Variants in ELAVL2 observed in about 807,000 individuals in gnomAD.
ELAVL2 encodes the protein ELAV like RNA binding protein 2.
Under a neutral mutation model 34.6 loss-of-function variants are expected in ELAVL2, and 4 were observed. The observed-to-expected ratio is 0.12, with a 90% CI of 0.06 to 0.26. The LOEUF (loss-of-function observed/expected upper bound fraction) is 0.26, where lower values mean the gene tolerates loss of function less well. Among genes scored for constraint, ELAVL2 ranks in the 10% least tolerant of loss-of-function variants. The pLI is 1.00. For missense variants in ELAVL2, 432 were observed against 442.8 expected (o/e 0.98, Z 0.22); for synonymous variants, 193 against 154.8 (o/e 1.25, Z -1.83).
In ELAVL2 at chr9:23,799,170, T is replaced by G. The variant is rs143002656; in HGVS notation, c.-16+26636A>C. ...TCACAGAAGCTTTTTAAAATTTTTT[T>G]CCATCTCTATCTCCAAACTACCTAC... On this transcript the variant is annotated intron_variant, in intron 1 of 6. Transcript: ENST00000397312. Among the ~76,000 whole-genome samples, 362 of 152,282 alleles carry G rather than the reference T, an allele frequency of 2.4e-3. 3 individuals are homozygous for G. The highest frequency in any genetic ancestry group is 8.4e-3 in the African/African-American group (347 of 41,556).
chr9:23,733,768 T>C (rs2047172997), intron 2 of ELAVL2, among the ~76,000 whole-genome samples: 1 of 152,106 alleles, frequency 6.6e-6, no homozygotes, highest in Non-Finnish European at 1.5e-5. Flanking sequence ...CATGGAAACA[T>C]TTGCTAAATG....
intron 1 of ELAVL2, among the ~76,000 whole-genome samples, chr9:23,780,982 A>C (rs1319431754): frequency 6.6e-6 from 1 of 152,210 alleles, no homozygotes; most frequent in Non-Finnish European, 1.5e-5. Flanking sequence ...GAACGAAGGT[A>C]AAAGCCTACA....
chr9:23,730,937 A>G lies in ELAVL2; in HGVS notation c.333+85T>C, dbSNP rs2046372643. ...AGGTAACTGTTTATATGGGCCCAAA[A>G]GGAAGAAAGGAAAGAACTACAAATA... On this transcript the variant is annotated intron_variant, in intron 3 of 6. Coordinates refer to ENST00000397312, the MANE Select transcript of ELAVL2 (RefSeq NM_004432.5). 2.3e-6 allele frequency: 3 copies of G among 1,296,738 alleles called. No homozygotes were observed. In the East Asian group the frequency reaches 7.6e-5, roughly 33 times the overall value. The allele number at this position is 1,296,738 out of a possible 1,614,324, so 80.3% of individuals were successfully genotyped here.
intron 1 of ELAVL2, among the ~76,000 whole-genome samples, chr9:23,804,345 T>C (rs1453016950): frequency 6.6e-6 from 1 of 152,108 alleles, no homozygotes; most frequent in Non-Finnish European, 1.5e-5. Context: ...ATGAACACTT[T>C]GAACACTTTC....
At chr9:23,725,812 T>C (rs1235414370) in intron 3 of ELAVL2, among the ~76,000 whole-genome samples, 1 of 152,164 alleles carries the variant, frequency 6.6e-6, no homozygotes, top group East Asian at 1.9e-4. Context: ...AAACATGAAT[T>C]TGTTTAAAAA....
intron 5 of ELAVL2, among the ~76,000 whole-genome samples, chr9:23,695,770 G>A (rs1347243687): frequency 6.6e-6 from 1 of 152,100 alleles, no homozygotes; most frequent in African/African-American, 2.4e-5. Context: ...CACAATATTA[G>A]GATGACTATG....
intron 1 of ELAVL2, among the ~76,000 whole-genome samples, chr9:23,791,427 G>A (rs979078787): frequency 6.6e-6 from 1 of 152,168 alleles, no homozygotes; most frequent in Non-Finnish European, 1.5e-5. Flanking sequence ...AAATTAACAT[G>A]TTGAAACCAT....
chr9:23,783,205 A>C (rs1484889188), intron 1 of ELAVL2, among the ~76,000 whole-genome samples: 3 of 152,226 alleles, frequency 2.0e-5, no homozygotes, highest in Non-Finnish European at 2.9e-5. Flanking sequence ...AGACATTAAT[A>C]AGCAGAATTA....
the ELAVL2 span, among the ~76,000 whole-genome samples, chr9:23,836,585 T>C: frequency 6.6e-6 from 1 of 152,138 alleles, no homozygotes; most frequent in Non-Finnish European, 1.5e-5. Flanking sequence ...GAGGAAAATA[T>C]TCATATATAT....
intron 6 of ELAVL2, 52 bp from the exon 7 acceptor site, chr9:23,692,936 G>C (rs2033688287): frequency 3.9e-6 from 6 of 1,548,220 alleles, no homozygotes; most frequent in Non-Finnish European, 5.3e-6. Context: ...TAAAAACAGA[G>C]GTTGGTTATA....
chr9:23,798,068 A>G (rs1171995826), intron 1 of ELAVL2, among the ~76,000 whole-genome samples: 1 of 152,232 alleles, frequency 6.6e-6, no homozygotes, highest in Non-Finnish European at 1.5e-5. Flanking sequence ...TGAATGCCTG[A>G]AAGTGTTTGA....
intron 1 of ELAVL2, among the ~76,000 whole-genome samples, chr9:23,800,818 T>C (rs577165755): frequency 9.2e-5 from 14 of 152,348 alleles, no homozygotes; most frequent in Middle Eastern, 3.4e-3. Flanking sequence ...TCTATCTTCA[T>C]CTGATACGGG....
the ELAVL2 span, among the ~76,000 whole-genome samples, chr9:23,839,893 AAC>A: frequency 6.6e-6 from 1 of 152,174 alleles, no homozygotes; most frequent in Non-Finnish European, 1.5e-5. Context: ...CATAAAATGA[AAC>A]AATCCCTGTA....
intron 2 of ELAVL2, among the ~76,000 whole-genome samples, chr9:23,740,644 G>T (rs1468462171): frequency 1.3e-5 from 2 of 150,980 alleles, no homozygotes; most frequent in Non-Finnish European, 2.9e-5. Context: ...GACTATCTGT[G>T]AAAGAAAAAA....
intron 3 of ELAVL2, among the ~76,000 whole-genome samples, chr9:23,714,950 A>T (rs1250876995): frequency 6.6e-6 from 1 of 152,208 alleles, no homozygotes; most frequent in Non-Finnish European, 1.5e-5. Context: ...CAGTATTTTG[A>T]GCCTTCTTAA....
chr9:23,827,496 G>C (rs776645944), upstream of ELAVL2, among the ~76,000 whole-genome samples: 2 of 152,082 alleles, frequency 1.3e-5, no homozygotes, highest in Non-Finnish European at 2.9e-5. Context: ...TTGAAAGATA[G>C]CACCAACTTC....
At chr9:23,719,560 G>A (rs1463731291) in intron 3 of ELAVL2, among the ~76,000 whole-genome samples, 1 of 152,192 alleles carries the variant, frequency 6.6e-6, no homozygotes, top group Non-Finnish European at 1.5e-5. Flanking sequence ...GCAAGAGTAT[G>A]CACTGCTTTC....
chr9:23,699,446 C>G (rs2036381136), intron 5 of ELAVL2, among the ~76,000 whole-genome samples: 1 of 152,158 alleles, frequency 6.6e-6, no homozygotes, highest in Non-Finnish European at 1.5e-5. Context: ...TAGCTTTCCA[C>G]TAACAGCAAA....
chr9:23,813,918 G>C (rs1564571272), intron 1 of ELAVL2, among the ~76,000 whole-genome samples: 2 of 152,122 alleles, frequency 1.3e-5, no homozygotes, highest in Non-Finnish European at 2.9e-5. Flanking sequence ...AGGAAGTATA[G>C]CATTAGAGAC....
Sources: allele counts gnomAD v4.1 joint callset (sites outside exome capture counted in the v4.1 genomes callset), GRCh38; gene constraint gnomAD v4.1.1; transcripts MANE v1.5; gene names NCBI Gene and HGNC (gene_info 2026-07-23, HGNC 2026-07-21).